The following MERTK variants were observed in gnomAD, a reference collection of about 807,000 sequenced individuals.
MERTK encodes the protein tyrosine-protein kinase Mer.
In MERTK, 69 loss-of-function variants were observed where a neutral mutation model predicts 99.3. That is an observed-to-expected ratio of 0.70 (90% CI 0.57 to 0.85). The LOEUF (loss-of-function observed/expected upper bound fraction) is 0.85, where lower values mean the gene tolerates loss of function less well. Ranked by LOEUF, MERTK falls within the 40% of genes least tolerant of loss-of-function variation. MERTK has a pLI of 0.00. For synonymous variants in MERTK, 426 were observed against 467.6 expected (o/e 0.91, Z 1.15); for missense variants, 1,125 against 1,249.4 (o/e 0.90, Z 1.50).
At chr2:111,999,012 T>C (rs10198007) in intron 10 of MERTK, among the ~76,000 whole-genome samples, 7,315 of 152,288 alleles carry the variant, frequency 0.048, 161 homozygotes, top group African/African-American at 0.059. Context: ...TTATATTTTT[T>C]TAAAAATCAG....
At chr2:111,946,381 C>T (rs186970409) in intron 3 of MERTK, among the ~76,000 whole-genome samples, 94 of 152,236 alleles carry the variant, frequency 6.2e-4, no homozygotes, top group African/African-American at 2.2e-3. Context: ...ACATAACTGC[C>T]ACGTCATTCC....
At chr2:112,001,411 A>G in intron 11 of MERTK, 125 bp downstream of exon 11, 1 of 804,072 alleles carries the variant, frequency 1.2e-6, no homozygotes, top group Admixed American at 2.0e-5. Context: ...TTAATGTACA[A>G]AATGTCTTTA....
chr2:111,905,193 G>A (rs993140800), intron 1 of MERTK, among the ~76,000 whole-genome samples: 2 of 152,136 alleles, frequency 1.3e-5, no homozygotes, highest in Non-Finnish European at 2.9e-5. Context: ...CACAGGAAGG[G>A]AGGGCCTAGA....
Position 112,003,932 on chromosome 2 carries a change from T to C in MERTK, c.1815T>C (p.Asn605=), listed in dbSNP as rs750498968. The C allele has an allele frequency of 6.4e-5, 103 of 1,613,672 alleles. 1 individual carries two copies. In the South Asian group the frequency reaches 1.1e-3, roughly 18 times the overall value. ...EGEFGSVMEG[N]LKQEDGTSLK... is the part of the protein sequence containing the mutation. ...AGTTTGGGTCTGTAATGGAAGGAAA[T>C]CTTAAGCAGGAAGATGGGACCTCTC... The change falls in exon 13 of 19, where the codon AAT becomes AAC. Residue 605 remains asparagine, a synonymous_variant. Transcript: ENST00000295408.
intron 2 of MERTK, chr2:111,940,456 T>A: frequency 1.8e-6 from 1 of 557,566 alleles, no homozygotes; most frequent in South Asian, 1.4e-5. Context: ...AAGAACTGCA[T>A]CTCCTGTGTC....
intron 7 of MERTK, among the ~76,000 whole-genome samples, chr2:111,981,449 C>A (rs1394207326): frequency 6.6e-6 from 1 of 152,108 alleles, no homozygotes; most frequent in Non-Finnish European, 1.5e-5. Context: ...GAGTCTCACT[C>A]TGTTGCCCAG....
chr2:111,911,839 C>T (rs1409968904), intron 1 of MERTK, among the ~76,000 whole-genome samples: 1 of 151,628 alleles, frequency 6.6e-6, no homozygotes, highest in Non-Finnish European at 1.5e-5. Flanking sequence ...CAGGTGCATG[C>T]CAACACAGCC....
intron 1 of MERTK, among the ~76,000 whole-genome samples, chr2:111,914,093 CT>C (rs1318290575): frequency 8.2e-6 from 1 of 122,400 alleles, no homozygotes; most frequent in African/African-American, 3.2e-5. Flanking sequence ...TTCTTTCTTT[CT>C]TTCTTTCTTT....
rs149761182 is a variant in MERTK, at chr2:111,962,318, G to C, written c.758-2873G>C. The stretch of plus-strand genomic sequence containing the variant: ...AGGTCGGGAGTTCAGGACCAGCCTG[G>C]ACAACATGGTGATACCCCGTCTCTA... On this transcript the variant is annotated intron_variant, in intron 4 of 18. Transcript: ENST00000295408. Among the ~76,000 whole-genome samples, 550 of 152,242 alleles carry C rather than the reference G, an allele frequency of 3.6e-3. 3 individuals carry two copies. Among genetic ancestry groups the C allele is most frequent in the African/African-American group, 0.013 (532 of 41,534 alleles).
chr2:111,959,487 G>T (rs958950205), intron 4 of MERTK, among the ~76,000 whole-genome samples: 17 of 151,920 alleles, frequency 1.1e-4, no homozygotes, highest in Non-Finnish European at 2.4e-4. Context: ...TTGGTTTTTT[G>T]TTTGTTTGTT....
In MERTK at chr2:111,982,856, C is replaced by T; in HGVS notation, c.1159C>T (p.Pro387Ser). 1.9e-6 allele frequency: 3 copies of T among 1,614,054 alleles called. No individual in the cohort carries two copies. Among genetic ancestry groups the T allele is most frequent in the Non-Finnish European group, 2.5e-6 (3 of 1,179,982 alleles). Residue 387 changes from proline to serine, a missense_variant, in exon 8 of 19, where the codon CCT (proline) becomes TCT (serine). Transcript: ENST00000295408. ...TTCTTTTGTAGCCCCATCAGTAGCA[C>T]CTTTAAATGTCACTGTGTTTCTGAA... is the stretch of plus-strand genomic sequence containing the variant. ...STTEGAPSVA[P>S]LNVTVFLNES...
chr2:111,935,721 C>T (rs1684753350), intron 2 of MERTK, among the ~76,000 whole-genome samples: 1 of 149,652 alleles, frequency 6.7e-6, no homozygotes, highest in African/African-American at 2.5e-5. Flanking sequence ...TGTATTTTGT[C>T]AAAAACTTGG....
intron 1 of MERTK, among the ~76,000 whole-genome samples, chr2:111,914,138 T>C (rs1684305394): frequency 7.3e-6 from 1 of 137,534 alleles, no homozygotes; most frequent in Non-Finnish European, 1.5e-5. Flanking sequence ...TGGAGTCTCC[T>C]CTGTCACCCA....
chr2:111,982,728 C>T lies in MERTK; in HGVS notation c.1145-114C>T. 3.5e-6 allele frequency: 4 copies of T among 1,150,226 alleles called. No homozygotes were observed. The South Asian group carries it at 3.7e-5, about 11-fold the overall frequency. 71.3% of individuals were successfully genotyped at this position (1,150,226 alleles called of 1,614,324 possible). On this transcript the variant is annotated intron_variant, in intron 7 of 18. Coordinates refer to ENST00000295408, the MANE Select transcript of MERTK (RefSeq NM_006343.3). ...GAAAATGTGCTATAAGTCTTGGTCT[C>T]ATTTGAGTGCTTTTCATAGAGCATT... is the stretch of plus-strand genomic sequence containing the variant.
intron 17 of MERTK, 120 bp downstream of exon 17, chr2:112,021,701 T>G: frequency 3.4e-6 from 3 of 880,264 alleles, no homozygotes; most frequent in Non-Finnish European, 5.3e-6. Flanking sequence ...GGTTGGCAGC[T>G]TGCTCAGATC....
rs111912816 is a variant in MERTK at position 112,027,310 on chromosome 2, G to GTA, written c.2487-1032_2487-1031dup. 9.3e-5 allele frequency among the ~76,000 whole-genome samples: 14 copies of GTA among 150,228 alleles called. No homozygotes were observed. The East Asian group carries it at 9.8e-4, about 11-fold the overall frequency. On this transcript the variant is annotated intron_variant, in intron 18 of 18. Transcript: ENST00000295408. ...TGTGTGTGTATATGTGTGTGTGTGT[G>GTA]TATATATATACACACACATATGGCA...
chr2:112,009,508 T>C (rs930062980), intron 14 of MERTK, among the ~76,000 whole-genome samples: 9 of 152,256 alleles, frequency 5.9e-5, no homozygotes, highest in African/African-American at 1.9e-4. Context: ...ATTAAATATC[T>C]ATCACATGAA....
chr2:111,899,104 G>A (rs913798710), intron 1 of MERTK, among the ~76,000 whole-genome samples: 6 of 152,234 alleles, frequency 3.9e-5, no homozygotes, highest in African/African-American at 1.4e-4. Flanking sequence ...TCGGCCGGGC[G>A]CGCTGCAAGT....
chr2:111,898,849 A>G, intron 1 of MERTK, 53 bp downstream of exon 1: 2 of 1,533,626 alleles, frequency 1.3e-6, no homozygotes, highest in Non-Finnish European at 1.8e-6. Context: ...CCCAGGAGGA[A>G]GCAGGGGCCT....
Sources: allele counts gnomAD v4.1 joint callset (sites outside exome capture counted in the v4.1 genomes callset), GRCh38; gene constraint gnomAD v4.1.1; transcripts MANE v1.5; gene names NCBI Gene and HGNC (gene_info 2026-07-23, HGNC 2026-07-21).